Variants in MGAM observed in about 807,000 individuals in gnomAD.
MGAM encodes maltase-glucoamylase.
MGAM carries 253 observed loss-of-function variants against 358.8 expected under a neutral mutation model. That is an observed-to-expected ratio of 0.71 (90% CI 0.64 to 0.78). The LOEUF (loss-of-function observed/expected upper bound fraction) is 0.78. Ranked by LOEUF, MGAM falls within the 30% of genes least tolerant of loss-of-function variation. The pLI is 0.00. For synonymous variants in MGAM, 1,105 were observed against 1,227.1 expected (o/e 0.90, Z 2.08); for missense variants, 3,080 against 3,432.6 (o/e 0.90, Z 2.57).
chr7:142,023,141 C>G (rs1806617076), intron 7 of MGAM, among the ~76,000 whole-genome samples: 2 of 152,024 alleles, frequency 1.3e-5, no homozygotes, highest in Non-Finnish European at 1.5e-5. Context: ...CTCACTTTAG[C>G]CTCAACCTCT....
intron 3 of MGAM, among the ~76,000 whole-genome samples, chr7:142,018,614 C>T (rs1584924520): frequency 6.6e-6 from 1 of 152,134 alleles, no homozygotes; most frequent in Non-Finnish European, 1.5e-5. Flanking sequence ...TTGATTCAGT[C>T]ATTAATTATG....
At chr7:142,101,440 C>T (rs1411027774) in intron 68 of MGAM, among the ~76,000 whole-genome samples, 1 of 150,494 alleles carries the variant, frequency 6.6e-6, no homozygotes, top group Admixed American at 6.7e-5. Context: ...ATGAGGCTAT[C>T]GAGCATTTGA....
rs564334886 is a variant in MGAM, at chr7:142,076,245, T to C, written c.5318T>C (p.Val1773Ala). The change falls in exon 46 of 71, where the codon GTC becomes GCC. Residue 1773 changes from valine (V) to alanine (A), a missense_variant. Val to Ala is a moderately conservative substitution (Grantham distance 64, BLOSUM62 0). Coordinates refer to ENST00000475668, the MANE Select transcript of MGAM (RefSeq NM_001365693.1). Reference sequence around the variant, plus strand: ...GTATATCTTTTATGTGAGTTTTCTGTCACTCAAGTGAGTAGCATATTTTTA... The same window carrying C: ...GTATATCTTTTATGTGAGTTTTCTGCCACTCAAGTGAGTAGCATATTTTTA... ...KKVYLLCEFSVTQNHLEVTIS... is the reference protein window; with the variant it reads ...KKVYLLCEFSATQNHLEVTIS... 57 of 1,540,584 alleles carry C rather than the reference T, an allele frequency of 3.7e-5. 8 individuals are homozygous for C. In the East Asian group the frequency reaches 1.3e-3, roughly 34 times the overall value.
intron 16 of MGAM, 104 bp from the exon 17 acceptor site, chr7:142,036,065 G>A (rs1554465671): frequency 9.8e-6 from 8 of 816,070 alleles, no homozygotes; most frequent in South Asian, 9.8e-5. Flanking sequence ...TAGCCTTCTC[G>A]GTAGGAGGTT....
intron 22 of MGAM, 138 bp downstream of exon 22, chr7:142,048,011 G>A (rs1810549879): frequency 2.8e-6 from 2 of 704,154 alleles, no homozygotes; most frequent in African/African-American, 1.8e-5. Context: ...TTTTGTTTCT[G>A]GTTGCACCAT....
chr7:142,096,885 T>G (rs1275684630), intron 65 of MGAM, among the ~76,000 whole-genome samples: 2 of 151,900 alleles, frequency 1.3e-5, no homozygotes, highest in East Asian at 3.9e-4. Flanking sequence ...TATTGTTGAT[T>G]AGGCTTCTGA....
intron 54 of MGAM, among the ~76,000 whole-genome samples, chr7:142,085,627 C>T (rs1168437407): frequency 6.9e-6 from 1 of 145,928 alleles, no homozygotes; most frequent in Non-Finnish European, 1.6e-5. Context: ...TTTATGCTGA[C>T]TTTGATTTTT....
Position 142,078,850 on chromosome 7 carries a change from G to C in MGAM, c.5689G>C (p.Asp1897His). 1.3e-6 allele frequency: 2 copies of C among 1,555,296 alleles called. No individual in the cohort carries two copies. The highest frequency in any genetic ancestry group is 1.1e-5 in the South Asian group (1 of 89,160). The change falls in exon 49 of 71, where the codon GAC becomes CAC. Residue 1897 changes from aspartate to histidine, a missense_variant. Physicochemically the swap from Asp to His is moderately conservative, Grantham distance 81 (BLOSUM62 -1). Transcript: ENST00000475668. Reference sequence around the variant, plus strand: ...AGTCCCTTTTTGCTATTTTGTCAACGACCTATACTCTGTCAGTGATGTTCA... The same window carrying C: ...AGTCCCTTTTTGCTATTTTGTCAACCACCTATACTCTGTCAGTGATGTTCA... ...SGVPFCYFVN[D>H]LYSVSDVQYN...
intron 70 of MGAM, 47 bp downstream of exon 70, chr7:142,103,486 T>C (rs956585426): frequency 6.7e-7 from 1 of 1,495,478 alleles, no homozygotes; most frequent in African/African-American, 1.4e-5. Context: ...ACCCTTAATA[T>C]GCCTAGTGCA....
rs1554465781 is a variant in MGAM, at chr7:142,036,253, T to C, written c.2044T>C (p.Phe682Leu). The change falls in exon 17 of 71, where the codon TTT becomes CTT. Residue 682 changes from phenylalanine to leucine, a missense_variant. This residue lies in a region of MGAM where 1,816 missense variants were observed against 1,840.5 expected (regional missense o/e 0.99). Coordinates refer to ENST00000475668, the MANE Select transcript of MGAM (RefSeq NM_001365693.1). ...GATGCAGTTGGGTGCATTTTATCCG[T>C]TTTCTAGAAATCACAATGGCCAAGG... ...RWMQLGAFYPFSRNHNGQGYK... is the reference protein window; with the variant it reads ...RWMQLGAFYPLSRNHNGQGYK... 3.1e-6 allele frequency: 5 copies of C among 1,610,294 alleles called. No individual in the cohort carries two copies. In the East Asian group the frequency reaches 1.1e-4, roughly 36 times the overall value.
At chr7:142,091,795 T>C in intron 57 of MGAM, 118 bp from the exon 58 acceptor site, 1 of 1,110,872 alleles carries the variant, frequency 9.0e-7, no homozygotes, top group Non-Finnish European at 1.3e-6. Context: ...TTAGGCCCTG[T>C]TCAGGCCGTC....
intron 34 of MGAM, among the ~76,000 whole-genome samples, chr7:142,062,336 G>T (rs934886863): frequency 5.9e-5 from 9 of 152,166 alleles, no homozygotes; most frequent in African/African-American, 9.7e-5. Flanking sequence ...CACGTGTATA[G>T]GAAGAGAACA....
At chr7:142,041,717 T>A (rs1030693067) in intron 21 of MGAM, among the ~76,000 whole-genome samples, 1 of 150,176 alleles carries the variant, frequency 6.7e-6, no homozygotes, top group Non-Finnish European at 1.5e-5. Flanking sequence ...TTACAACATT[T>A]GGGCTTTTGC....
intron 3 of MGAM, among the ~76,000 whole-genome samples, chr7:142,012,450 G>A (rs1414438622): frequency 6.6e-6 from 1 of 152,020 alleles, no homozygotes. Flanking sequence ...ACCTCTTAAA[G>A]GCCCCACTGT....
chr7:142,038,377 T>C (rs1308213443), intron 18 of MGAM, among the ~76,000 whole-genome samples, 154 bp from the exon 19 acceptor site: 1 of 152,052 alleles, frequency 6.6e-6, no homozygotes, highest in Admixed American at 6.6e-5. Flanking sequence ...TGTCTAGGGG[T>C]GCAGAGGGGC....
At chr7:142,021,886 T>G in intron 6 of MGAM, 149 bp downstream of exon 6, 1 of 816,210 alleles carries the variant, frequency 1.2e-6, no homozygotes, top group Non-Finnish European at 1.9e-6. Context: ...GTATACATTT[T>G]TTTCTGGCTT....
At position 142,050,824 on chromosome 7, in the gene MGAM, G is replaced by A. The variant is rs1810878778; in HGVS notation, c.2765G>A (p.Ser922Asn). Residue 922 changes from serine (S) to asparagine (N), a missense_variant, in exon 24 of 71, where the codon AGT becomes AAT. Coordinates refer to ENST00000475668, the MANE Select transcript of MGAM (RefSeq NM_001365693.1). Reference sequence around the variant, plus strand: ...ACAGTGAAACACAATGGTGTCCCAAGTCAGACTTCTCCTACAGTCACTTAT... The same window carrying A: ...ACAGTGAAACACAATGGTGTCCCAAATCAGACTTCTCCTACAGTCACTTAT... ...NVTVKHNGVP[S>N]QTSPTVTYDS... 6.2e-7 allele frequency: 1 copy of A among 1,613,742 alleles called. No individual in the cohort carries two copies. The highest frequency in any genetic ancestry group is 8.5e-7 in the Non-Finnish European group (1 of 1,179,716).
intron 1 of MGAM, among the ~76,000 whole-genome samples, chr7:142,000,035 A>T (rs929020287): frequency 1.5e-4 from 23 of 152,328 alleles, no homozygotes; most frequent in East Asian, 3.9e-4. Context: ...ACATGTTTTT[A>T]AAAATATGCT....
chr7:141,988,013 C>T (rs751385954), intron 2 of MGAM, among the ~76,000 whole-genome samples: 9 of 152,132 alleles, frequency 5.9e-5, no homozygotes, highest in East Asian at 1.9e-4. Context: ...CGAGGCTGGG[C>T]GTGGTGGCTC....
Sources: gnomAD v4.1 joint callset for allele counts (sites outside exome capture counted in the v4.1 genomes callset) on GRCh38, gnomAD v4.1.1 for gene constraint, gnomAD v4.1.1 regional missense constraint, MANE v1.5 for transcripts, NCBI Gene and HGNC (gene_info 2026-07-23, HGNC 2026-07-21) for gene names.